BCKDHB: variants seen among roughly 807,000 people sequenced by gnomAD.
BCKDHB encodes the protein branched chain keto acid dehydrogenase E1 subunit beta.
BCKDHB carries 41 observed loss-of-function variants against 48.5 expected under a neutral mutation model. The observed-to-expected ratio is 0.85, with a 90% CI of 0.66 to 1.10. BCKDHB has a LOEUF of 1.10. Ranked by LOEUF, BCKDHB falls within the 50% of genes least tolerant of loss-of-function variation. BCKDHB has a pLI of 0.00. For synonymous variants in BCKDHB, 201 were observed against 174.8 expected, an observed-to-expected ratio of 1.15 and a Z score of -1.18; for missense variants, 496 against 494.2, an observed-to-expected ratio of 1.00 and a Z score of -0.03.
chr6:80,405,395 A>G, the BCKDHB span, among the ~76,000 whole-genome samples: 2 of 152,048 alleles, frequency 1.3e-5, no homozygotes. Flanking sequence ...ATCTTTATTC[A>G]TCTTTTCACT....
intron 8 of BCKDHB, among the ~76,000 whole-genome samples, chr6:80,216,315 C>A (rs1437884179): frequency 6.6e-6 from 1 of 152,138 alleles, no homozygotes; most frequent in African/African-American, 2.4e-5. Flanking sequence ...CAGCTTAGAA[C>A]ATATTTTATC....
At chr6:80,339,935 A>G (rs1769804903) in intron 9 of BCKDHB, among the ~76,000 whole-genome samples, 1 of 152,110 alleles carries the variant, frequency 6.6e-6, no homozygotes, top group African/African-American at 2.4e-5. Context: ...TCAGGTTCGA[A>G]TCTTACTTGG....
At chr6:80,454,470 G>A in the BCKDHB span, among the ~76,000 whole-genome samples, 1 of 127,540 alleles carries the variant, frequency 7.8e-6, no homozygotes, top group South Asian at 2.5e-4. Context: ...TCATATGCAT[G>A]ACCCACTACA....
the BCKDHB span, among the ~76,000 whole-genome samples, chr6:80,378,904 A>G: frequency 6.6e-6 from 1 of 152,164 alleles, no homozygotes; most frequent in Non-Finnish European, 1.5e-5. Context: ...GATTTATTTT[A>G]TATGTTTATT....
the BCKDHB span, among the ~76,000 whole-genome samples, chr6:80,398,501 A>G: frequency 6.6e-6 from 1 of 152,212 alleles, no homozygotes; most frequent in Non-Finnish European, 1.5e-5. Context: ...TGCTGGACAT[A>G]TACAACCTCC....
At chr6:80,124,162 T>C (rs1319095466) in intron 1 of BCKDHB, among the ~76,000 whole-genome samples, 2 of 152,244 alleles carry the variant, frequency 1.3e-5, no homozygotes, top group Admixed American at 1.3e-4. Context: ...CCAGTAGTCA[T>C]TCAGGAGCAG....
intron 9 of BCKDHB, among the ~76,000 whole-genome samples, chr6:80,313,610 CT>C (rs1768277447): frequency 1.3e-5 from 2 of 152,202 alleles, no homozygotes; most frequent in African/African-American, 4.8e-5. Context: ...ATCTGCCCAC[CT>C]CAGCCTCCCA....
At chr6:80,350,761 T>C (rs866159234), downstream of BCKDHB, among the ~76,000 whole-genome samples, 1 of 152,230 alleles carries the variant, frequency 6.6e-6, no homozygotes, top group African/African-American at 2.4e-5. Context: ...GAATAATTAT[T>C]TCAAGAATGT....
the BCKDHB span, chr6:80,374,511 G>T: frequency 1.4e-6 from 1 of 736,738 alleles, no homozygotes; most frequent in South Asian, 1.4e-5. Flanking sequence ...ACAAAGATTG[G>T]AACCTCTTGA....
intron 6 of BCKDHB, among the ~76,000 whole-genome samples, chr6:80,195,056 G>T (rs116049955): frequency 6.6e-6 from 1 of 152,076 alleles, no homozygotes; most frequent in African/African-American, 2.4e-5. Context: ...ATCACTGTGG[G>T]TTAAGTACTA....
chr6:80,222,400 C>G (rs909250894), intron 8 of BCKDHB, among the ~76,000 whole-genome samples: 2 of 152,128 alleles, frequency 1.3e-5, no homozygotes, highest in African/African-American at 2.4e-5. Context: ...AGTGAAACAA[C>G]GATTACTAGA....
intron 3 of BCKDHB, among the ~76,000 whole-genome samples, chr6:80,165,813 G>A (rs1772541288): frequency 6.6e-6 from 1 of 152,168 alleles, no homozygotes; most frequent in South Asian, 2.1e-4. Flanking sequence ...TCTTTTAACT[G>A]GGAGAGATTA....
intron 8 of BCKDHB, among the ~76,000 whole-genome samples, chr6:80,269,074 A>G (rs1477773696): frequency 6.6e-6 from 1 of 152,162 alleles, no homozygotes; most frequent in Non-Finnish European, 1.5e-5. Flanking sequence ...GTTTTTATCT[A>G]GTTAACTTTT....
chr6:80,167,716 G>T lies in BCKDHB; in HGVS notation c.382G>T (p.Gly128Ter). ...RVFNTPLCEQ[G>*]IVGFGIGIAV... Reference sequence around the variant, plus strand: ...TTTTAATACCCCATTGTGTGAACAAGGAATTGTTGGATTTGGAATCGGAAT... The same window carrying T: ...TTTTAATACCCCATTGTGTGAACAATGAATTGTTGGATTTGGAATCGGAAT... The change falls in exon 4 of 10, where the codon GGA becomes TGA. Residue 128 changes from glycine to a stop codon, truncating the protein, a stop_gained. Coordinates refer to ENST00000320393, the MANE Select transcript of BCKDHB (RefSeq NM_183050.4). LOFTEE classifies it high-confidence loss of function. 1 of 1,611,752 alleles carries T rather than the reference G, an allele frequency of 6.2e-7. No homozygotes were observed. The highest frequency in any genetic ancestry group is 8.5e-7 in the Non-Finnish European group (1 of 1,177,986).
chr6:80,232,420 A>G (rs558877532), intron 8 of BCKDHB, among the ~76,000 whole-genome samples: 1 of 152,074 alleles, frequency 6.6e-6, no homozygotes, highest in East Asian at 1.9e-4. Context: ...TAGTAGATCT[A>G]TTTTATAAAT....
At chr6:80,213,008 C>G (rs1230245700) in intron 8 of BCKDHB, among the ~76,000 whole-genome samples, 1 of 152,062 alleles carries the variant, frequency 6.6e-6, no homozygotes, top group Non-Finnish European at 1.5e-5. Context: ...TTCAAAAATT[C>G]CCAGTACCTG....
chr6:80,295,283 A>G (rs1281537646), intron 9 of BCKDHB, among the ~76,000 whole-genome samples: 1 of 152,192 alleles, frequency 6.6e-6, no homozygotes, highest in Non-Finnish European at 1.5e-5. Flanking sequence ...AGGATAAAGG[A>G]TATAATGGAC....
chr6:80,235,436 A>G (rs1174394362), intron 8 of BCKDHB, among the ~76,000 whole-genome samples: 2 of 152,232 alleles, frequency 1.3e-5, no homozygotes, highest in Non-Finnish European at 2.9e-5. Flanking sequence ...GGAAACATGT[A>G]TTTAGACAAG....
At chr6:80,177,134 G>C (rs1773194438) in intron 6 of BCKDHB, among the ~76,000 whole-genome samples, 1 of 150,898 alleles carries the variant, frequency 6.6e-6, no homozygotes, top group Non-Finnish European at 1.5e-5. Flanking sequence ...AGCTGAGGTG[G>C]GAGGATCACC....
Sources: allele counts gnomAD v4.1 joint callset (sites outside exome capture counted in the v4.1 genomes callset), GRCh38; gene constraint gnomAD v4.1.1; transcripts MANE v1.5; gene names NCBI Gene and HGNC (gene_info 2026-07-23, HGNC 2026-07-21).